Variants in FOXK2 observed in about 807,000 individuals in gnomAD.
FOXK2 encodes forkhead box K2.
In FOXK2, 24 loss-of-function variants were observed where a neutral mutation model predicts 53.3. The observed-to-expected ratio is 0.45, with a 90% CI of 0.33 to 0.63. The LOEUF (loss-of-function observed/expected upper bound fraction) is 0.63. Among genes scored for constraint, FOXK2 ranks in the 30% least tolerant of loss-of-function variants. The pLI is 0.03. For missense variants in FOXK2, 952 were observed against 910.5 expected (o/e 1.05, Z -0.59); for synonymous variants, 505 against 407.1 (o/e 1.24, Z -2.89).
At chr17:82,567,633 C>T (rs1217593366) in intron 2 of FOXK2, among the ~76,000 whole-genome samples, 5 of 152,198 alleles carry the variant, frequency 3.3e-5, no homozygotes, top group South Asian at 2.1e-4. Flanking sequence ...CCCACCACCC[C>T]GACTTTCCCT....
Position 82,604,274 on chromosome 17 carries a change from A to T in FOXK2, c.*2775A>T, listed in dbSNP as rs987649163. ...GACCCACGTCACGTGGTGCACTCAG[A>T]GTGTGTGCGGCATGATCCTCGGTTG... On this transcript the variant is annotated 3_prime_UTR_variant, in exon 9 of 9. Coordinates refer to ENST00000335255, the MANE Select transcript of FOXK2 (RefSeq NM_004514.4). 3 of 151,090 alleles carry T rather than the reference A, an allele frequency of 2.0e-5. No homozygotes were observed. Among genetic ancestry groups the T allele is most frequent in the African/African-American group, 5.0e-5 (2 of 40,196 alleles). The allele number at this position is 151,090 out of a possible 1,614,324, so 9.4% of individuals were successfully genotyped here. A position where few individuals can be genotyped will look rare whatever the true frequency, so the allele number is the denominator to read the frequency against.
At chr17:82,596,891 C>A (rs1178829818) in intron 8 of FOXK2, among the ~76,000 whole-genome samples, 1 of 152,238 alleles carries the variant, frequency 6.6e-6, no homozygotes, top group Non-Finnish European at 1.5e-5. Flanking sequence ...TTCCTGTAGT[C>A]CTCCCGGGCT....
At chr17:82,555,551 T>C (rs1012475463) in intron 1 of FOXK2, among the ~76,000 whole-genome samples, 3 of 152,074 alleles carry the variant, frequency 2.0e-5, no homozygotes, top group African/African-American at 4.8e-5. Flanking sequence ...ATTATAATTA[T>C]AGTGTGGGTG....
intron 1 of FOXK2, among the ~76,000 whole-genome samples, chr17:82,550,591 C>A (rs1226202982): frequency 6.6e-6 from 1 of 151,732 alleles, no homozygotes; most frequent in Non-Finnish European, 1.5e-5. Flanking sequence ...CAAGCTCCGC[C>A]TCCCGGGTTC....
chr17:82,538,757 C>T (rs995341171), intron 1 of FOXK2, among the ~76,000 whole-genome samples: 1 of 152,186 alleles, frequency 6.6e-6, no homozygotes, highest in African/African-American at 2.4e-5. Context: ...TCACCTCTGG[C>T]CCCAGGGCAG....
chr17:82,561,012 A>G (rs2044787666), intron 1 of FOXK2, among the ~76,000 whole-genome samples: 2 of 152,156 alleles, frequency 1.3e-5, no homozygotes, highest in Admixed American at 1.3e-4. Flanking sequence ...CAGCCTCCCA[A>G]AGTGCTAGGA....
chr17:82,552,103 C>T (rs1275817359), intron 1 of FOXK2, among the ~76,000 whole-genome samples: 2 of 152,214 alleles, frequency 1.3e-5, no homozygotes, highest in African/African-American at 2.4e-5. Context: ...GCACTCCCCT[C>T]GCGGTGGACC....
intron 1 of FOXK2, among the ~76,000 whole-genome samples, chr17:82,527,014 T>G (rs540748875): frequency 1.1e-4 from 17 of 152,226 alleles, no homozygotes; most frequent in African/African-American, 4.1e-4. Flanking sequence ...GTTTCCGTAT[T>G]GAAGGGCTGC....
At chr17:82,556,605 G>A (rs2144102464) in intron 1 of FOXK2, among the ~76,000 whole-genome samples, 1 of 152,286 alleles carries the variant, frequency 6.6e-6, no homozygotes, top group East Asian at 1.9e-4. Flanking sequence ...CTTGTTCTGT[G>A]GCAGCCAGGA....
At chr17:82,571,903 C>T in intron 4 of FOXK2, 33 bp downstream of exon 4, 1 of 1,498,612 alleles carries the variant, frequency 6.7e-7, no homozygotes, top group Non-Finnish European at 8.9e-7. Context: ...TAAATAGAGG[C>T]TGATGGATAC....
intron 1 of FOXK2, among the ~76,000 whole-genome samples, chr17:82,543,833 G>T (rs1428633804): frequency 6.8e-6 from 1 of 147,916 alleles, no homozygotes; most frequent in Non-Finnish European, 1.5e-5. Context: ...CTGGAGTGCA[G>T]TGGCGCAATC....
chr17:82,583,821 G>A (rs2045097485), intron 5 of FOXK2, among the ~76,000 whole-genome samples, 192 bp from the exon 6 acceptor site: 1 of 152,230 alleles, frequency 6.6e-6, no homozygotes. Context: ...TCCCACACAG[G>A]CTGAGTCTGT....
chr17:82,586,760 G>A (rs1166531501), intron 7 of FOXK2, among the ~76,000 whole-genome samples: 4 of 152,112 alleles, frequency 2.6e-5, no homozygotes, highest in African/African-American at 9.7e-5. Flanking sequence ...AATCAGCTGG[G>A]CATGGTGGCG....
chr17:82,558,951 G>A (rs1008371041), intron 1 of FOXK2, among the ~76,000 whole-genome samples: 4 of 152,068 alleles, frequency 2.6e-5, no homozygotes, highest in African/African-American at 7.2e-5. Flanking sequence ...GGGTTTCACC[G>A]TGTTATCCAG....
chr17:82,585,871 T>C (rs1190972574), intron 6 of FOXK2, 33 bp from the exon 7 acceptor site: 6 of 1,589,560 alleles, frequency 3.8e-6, no homozygotes, highest in Admixed American at 1.7e-5. Flanking sequence ...AGTCAGTATC[T>C]GTAAGTGTCA....
chr17:82,550,968 G>T (rs1430508528), intron 1 of FOXK2, among the ~76,000 whole-genome samples: 1 of 152,230 alleles, frequency 6.6e-6, no homozygotes. Flanking sequence ...CCAGTACTGA[G>T]CCGGGTCGTT....
chr17:82,582,952 C>A lies in FOXK2; in HGVS notation c.1103+18C>A. ...TCTTCTAGGTAAGGAAAAAGAAGAA[C>A]AAAAGGCCTCACTTCGTGCTTACTA... is the stretch of plus-strand genomic sequence containing the variant. On this transcript the variant is annotated intron_variant, in intron 5 of 8. Coordinates refer to ENST00000335255, the MANE Select transcript of FOXK2 (RefSeq NM_004514.4). 4 of 1,520,548 alleles carry A rather than the reference C, an allele frequency of 2.6e-6. No homozygotes were observed. The highest frequency in any genetic ancestry group is 2.6e-6 in the Non-Finnish European group (3 of 1,136,542). The allele number at this position is 1,520,548 out of a possible 1,614,324, so 94.2% of individuals were successfully genotyped here.
At chr17:82,576,672 A>G in intron 4 of FOXK2, 1 of 1,148,788 alleles carries the variant, frequency 8.7e-7, no homozygotes. Flanking sequence ...CGAAGTCACC[A>G]CTAAGCCACT....
At chr17:82,537,481 C>T (rs2044531423) in intron 1 of FOXK2, among the ~76,000 whole-genome samples, 1 of 151,008 alleles carries the variant, frequency 6.6e-6, no homozygotes, top group Non-Finnish European at 1.5e-5. Context: ...ATTAACCGGG[C>T]ATGGTGGTGT....
Sources: allele counts gnomAD v4.1 joint callset (sites outside exome capture counted in the v4.1 genomes callset), GRCh38; gene constraint gnomAD v4.1.1; transcripts MANE v1.5; gene names NCBI Gene and HGNC (gene_info 2026-07-23, HGNC 2026-07-21).